COL5A3: variants seen among roughly 807,000 people sequenced by gnomAD.
COL5A3 encodes the protein collagen type V alpha 3 chain.
COL5A3 carries 172 observed loss-of-function variants against 250.0 expected under a neutral mutation model. That is an observed-to-expected ratio of 0.69 (90% CI 0.61 to 0.78). The LOEUF is 0.78. Among genes scored for constraint, COL5A3 ranks in the 30% least tolerant of loss-of-function variants. COL5A3 has a pLI of 0.00. For synonymous variants in COL5A3, 937 were observed against 900.4 expected, an observed-to-expected ratio of 1.04 and a Z score of -0.73; for missense variants, 2,340 against 2,334.4, an observed-to-expected ratio of 1.00 and a Z score of -0.05.
At chr19:9,991,551 G>A (rs2087189065) in intron 24 of COL5A3, 59 bp downstream of exon 24, 1 of 1,427,972 alleles carries the variant, frequency 7.0e-7, no homozygotes, top group African/African-American at 1.4e-5. Flanking sequence ...GATTTTCCTG[G>A]CAACAGAGTT....
In COL5A3 at chr19:9,981,085, T is replaced by A. The variant is rs1318317824; in HGVS notation, c.2505+3A>T. On this transcript the variant is annotated splice_donor_region_variant and intron_variant, in intron 33 of 66. Transcript: ENST00000264828. ...GGGTAGGGGGCACTGTCTATTTTCT[T>A]ACTGGTGGTCCCCGCTCTCCTTCCA... The A allele has an allele frequency of 6.2e-7, 1 of 1,613,814 alleles. No homozygotes were observed. The highest frequency in any genetic ancestry group is 1.3e-5 in the African/African-American group (1 of 74,908).
At chr19:9,999,468 T>C (rs2087325140) in intron 8 of COL5A3, among the ~76,000 whole-genome samples, 1 of 123,750 alleles carries the variant, frequency 8.1e-6, no homozygotes, top group South Asian at 2.3e-4. Flanking sequence ...TTTTCTTTTT[T>C]CTTTTTTTTT....
chr19:10,000,941 G>A lies in COL5A3; in HGVS notation c.1110+583C>T, dbSNP rs2087351526. Among the ~76,000 whole-genome samples, 4 of 152,046 alleles carry A rather than the reference G, an allele frequency of 2.6e-5. No homozygotes were observed. The South Asian group carries it at 8.3e-4, about 32-fold the overall frequency. On this transcript the variant is annotated intron_variant, in intron 8 of 66. Coordinates refer to ENST00000264828, the MANE Select transcript of COL5A3 (RefSeq NM_015719.4). ...CAACAGACACTGGGACCTATCGGAG[G>A]GTGGAGGGTGGGAGGAGGGAGAGGA...
chr19:10,005,005 C>G (rs948069001), intron 4 of COL5A3, among the ~76,000 whole-genome samples: 1 of 150,178 alleles, frequency 6.7e-6, no homozygotes, highest in African/African-American at 2.5e-5. Context: ...ACGGCACACA[C>G]AAGCATGCAC....
chr19:9,966,550 G>C lies in COL5A3; in HGVS notation c.4655C>G (p.Pro1552Arg). Residue 1552 changes from proline (P) to arginine (R), a missense_variant, in exon 63 of 67, where the codon CCG (proline) becomes CGG (arginine). Physicochemically the swap from Pro to Arg is moderately radical, Grantham distance 103 (BLOSUM62 -2). Transcript: ENST00000264828. ...LVCHELHRNH[P>R]HLPDGEYWID... ...CCGGACCTCACCATCAGGCAGGTGC[G>C]GGTGGTTGCGGTGCAGCTCGTGGCA... The C allele has an allele frequency of 1.3e-6, 2 of 1,544,210 alleles. No individual in the cohort carries two copies. Among genetic ancestry groups the C allele is most frequent in the East Asian group, 4.9e-5 (2 of 41,058 alleles).
In COL5A3 at chr19:9,981,665, C is replaced by T. The variant is rs577946682; in HGVS notation, c.2460+400G>A. On this transcript the variant is annotated intron_variant, in intron 32 of 66. Coordinates refer to ENST00000264828, the MANE Select transcript of COL5A3 (RefSeq NM_015719.4). ...ACAATACATGCATGTATACCCATCA[C>T]TCAGTGTGCACAGAAACACACACAT... 1.8e-4 allele frequency among the ~76,000 whole-genome samples: 27 copies of T among 152,334 alleles called. 1 individual carries two copies. Among genetic ancestry groups the T allele is most frequent in the African/African-American group, 6.0e-4 (25 of 41,584 alleles).
chr19:9,991,708 G>A, intron 23 of COL5A3, 54 bp from the exon 24 acceptor site: 1 of 1,604,210 alleles, frequency 6.2e-7, no homozygotes. Flanking sequence ...CGGTGAGTGT[G>A]GAGGTTGGGA....
rs947392581 is a variant in COL5A3 at position 9,991,599 on chromosome 19, C to A, written c.1992+11G>T. The A allele has an allele frequency of 6.3e-7, 1 of 1,583,720 alleles. No individual in the cohort carries two copies. Among genetic ancestry groups the A allele is most frequent in the Non-Finnish European group, 8.6e-7 (1 of 1,164,500 alleles). On this transcript the variant is annotated intron_variant, in intron 24 of 66. Transcript: ENST00000264828. ...CTTGAGGAGGTCGCGGTAGGTGGAGCTGTCACTCACCTTCTCCCCAGGAGT... is the reference window on the plus strand; with the variant it reads ...CTTGAGGAGGTCGCGGTAGGTGGAGATGTCACTCACCTTCTCCCCAGGAGT...
intron 21 of COL5A3, 70 bp from the exon 22 acceptor site, chr19:9,992,118 G>T: frequency 1.5e-6 from 2 of 1,371,086 alleles, no homozygotes; most frequent in East Asian, 2.3e-5. Context: ...GACACCGAGA[G>T]ATGCAGGTGG....
At position 9,968,764 on chromosome 19, in the gene COL5A3, A is replaced by G. The variant is rs1333587152; in HGVS notation, c.4153-36T>C. On this transcript the variant is annotated intron_variant, in intron 57 of 66. Coordinates refer to ENST00000264828, the MANE Select transcript of COL5A3 (RefSeq NM_015719.4). This position sits in a 1 kb window ranked among gnomAD's most constrained non-coding sequence, Gnocchi z 4.1. ...AGCAAGGGTCAGTTAGGGATTCTCA[A>G]ATGTGAACTCGAGGTCTGTGTGGGT... 2 of 1,584,086 alleles carry G rather than the reference A, an allele frequency of 1.3e-6. No homozygotes were observed. Among genetic ancestry groups the G allele is most frequent in the East Asian group, 2.3e-5 (1 of 44,362 alleles).
intron 11 of COL5A3, chr19:9,997,073 C>G: frequency 1.8e-6 from 1 of 547,348 alleles, no homozygotes; most frequent in Non-Finnish European, 3.2e-6. Context: ...GGGACAGAGA[C>G]CAACAGAGAG....
chr19:9,988,690 G>T (rs563888863), intron 27 of COL5A3, among the ~76,000 whole-genome samples: 2 of 151,704 alleles, frequency 1.3e-5, no homozygotes, highest in Non-Finnish European at 2.9e-5. Flanking sequence ...AATTACCCAG[G>T]AGTGGTGGTG....
chr19:9,970,461 GTGTGT>G (rs2086826946), intron 54 of COL5A3, among the ~76,000 whole-genome samples, 156 bp downstream of exon 54: 2 of 71,940 alleles, frequency 2.8e-5, no homozygotes, highest in Non-Finnish European at 5.3e-5. Context: ...GGGTCTGTGG[GTGTGT>G]GGGGTCTGTG....
intron 31 of COL5A3, among the ~76,000 whole-genome samples, chr19:9,983,614 GAGAGAA>G: frequency 8.2e-6 from 1 of 122,558 alleles, no homozygotes; most frequent in African/African-American, 3.1e-5. Flanking sequence ...AAGAGAGAGA[GAGAGAA>G]AGAAAGAAAG....
At chr19:9,998,193 T>C (rs1166082572) in intron 8 of COL5A3, 44 bp from the exon 9 acceptor site, 1 of 1,572,480 alleles carries the variant, frequency 6.4e-7, no homozygotes, top group Admixed American at 1.8e-5. Flanking sequence ...AGATGTGAAC[T>C]TGGACATAAG....
rs763269883 is a variant in COL5A3, at chr19:10,005,579, G to A, written c.573C>T (p.Asp191=). 1.9e-6 allele frequency: 3 copies of A among 1,614,078 alleles called. No individual in the cohort carries two copies. Among genetic ancestry groups the A allele is most frequent in the African/African-American group, 2.7e-5 (2 of 75,018 alleles). ...CTACCTCGAAAGTCTTTTCCCCAAG[G>A]TCCTGGGTCCCCAGCACAGTGAGTC... ...IAGLTVLGTQ[D]LGEKTFEGDI... Residue 191 remains aspartate (D), a synonymous_variant, in exon 4 of 67, where the codon GAC becomes GAT. Transcript: ENST00000264828.
In COL5A3 at chr19:9,978,987, G is replaced by A. The variant is rs966797492; in HGVS notation, c.2875-7C>T. 4 of 1,544,884 alleles carry A rather than the reference G, an allele frequency of 2.6e-6. No homozygotes were observed. The highest frequency in any genetic ancestry group is 3.5e-4 in the Middle Eastern group (2 of 5,634). The stretch of plus-strand genomic sequence containing the variant: ...CTGGTGGTCCCAGTTCCCCCTACAG[G>A]AGTGCAAAGGAGGGAAGTCAAGCTC... On this transcript the variant is annotated splice_region_variant and splice_polypyrimidine_tract_variant and intron_variant, in intron 39 of 66. Coordinates refer to ENST00000264828, the MANE Select transcript of COL5A3 (RefSeq NM_015719.4).
intron 53 of COL5A3, 73 bp downstream of exon 53, chr19:9,970,902 G>GC (rs1302114017): frequency 1.7e-5 from 22 of 1,306,354 alleles, no homozygotes; most frequent in East Asian, 5.2e-5. Flanking sequence ...CCACTCCCCT[G>GC]CCCCCCCAAT....
chr19:9,998,055 C>T, intron 9 of COL5A3, 30 bp from the exon 10 acceptor site: 1 of 1,614,040 alleles, frequency 6.2e-7, no homozygotes, highest in Non-Finnish European at 8.5e-7. Flanking sequence ...TCGGTGACCG[C>T]TGTCATCATG....
Sources: allele counts gnomAD v4.1 joint callset (sites outside exome capture counted in the v4.1 genomes callset), GRCh38; gene constraint gnomAD v4.1.1; non-coding constraint Gnocchi (gnomAD v3.1); transcripts MANE v1.5; gene names NCBI Gene and HGNC (gene_info 2026-07-23, HGNC 2026-07-21).